ZMYND8: variants seen among roughly 807,000 people sequenced by gnomAD.
ZMYND8 encodes the protein zinc finger MYND-type containing 8.
A neutral mutation model predicts 140.8 loss-of-function variants in ZMYND8; 37 were observed. The ratio of observed to expected loss-of-function variants is 0.26; its 90% confidence interval spans 0.20 to 0.35. The LOEUF is 0.35. Among genes scored for constraint, ZMYND8 ranks in the 10% least tolerant of loss-of-function variants. The probability of loss-of-function intolerance (pLI) is 1.00; values close to 1 mark genes in which losing one functional copy is unlikely to be tolerated. For missense variants in ZMYND8, 1,068 were observed against 1,570.0 expected (o/e 0.68, Z 5.40); for synonymous variants, 592 against 597.1 (o/e 0.99, Z 0.12).
intron 2 of ZMYND8, among the ~76,000 whole-genome samples, chr20:47,342,521 C>A (rs532166272): frequency 6.7e-6 from 1 of 149,244 alleles, no homozygotes; most frequent in South Asian, 2.1e-4. Flanking sequence ...GCACTCCAGC[C>A]TGGGAGACAG....
intron 2 of ZMYND8, among the ~76,000 whole-genome samples, chr20:47,314,591 T>C (rs1224856433): frequency 6.6e-6 from 1 of 152,164 alleles, no homozygotes; most frequent in Admixed American, 6.5e-5. Flanking sequence ...CAGCAATCTG[T>C]TTTAATAAGT....
intron 12 of ZMYND8, among the ~76,000 whole-genome samples, chr20:47,259,734 C>A (rs2075017767): frequency 6.6e-6 from 1 of 152,150 alleles, no homozygotes; most frequent in African/African-American, 2.4e-5. Flanking sequence ...TGACTCGCAA[C>A]CTCAGTAAGC....
chr20:47,282,157 C>T lies in ZMYND8; in HGVS notation c.943G>A (p.Ala315Thr), dbSNP rs1407840460. The T allele has an allele frequency of 6.2e-7, 1 of 1,614,008 alleles. No homozygotes were observed. Among genetic ancestry groups the T allele is most frequent in the Admixed American group, 1.7e-5 (1 of 59,992 alleles). Residue 315 changes from alanine (A) to threonine (T), a missense_variant, in exon 10 of 23, where the codon GCT (alanine) becomes ACT (threonine). By Grantham distance (58) the Ala-to-Thr change is moderately conservative (BLOSUM62 0). Transcript: ENST00000471951. The stretch of plus-strand genomic sequence containing the variant: ...ACCTGCCCGTCTTTATCCCTTAGAG[C>T]TTTTGCAGGCCAGAATGGAAACCCC... Reference protein sequence around the residue: ...LKGFPFWPAKALRDKDGQVDA... With the variant: ...LKGFPFWPAKTLRDKDGQVDA...
intron 17 of ZMYND8, among the ~76,000 whole-genome samples, chr20:47,228,723 G>A (rs767459060): frequency 1.3e-5 from 2 of 152,190 alleles, no homozygotes; most frequent in Non-Finnish European, 2.9e-5. Flanking sequence ...TCTCCTCTTC[G>A]TCTGAGCACC....
chr20:47,285,692 T>A, intron 8 of ZMYND8: 1 of 985,342 alleles, frequency 1.0e-6, no homozygotes. Context: ...ATGATATTCA[T>A]CACCTTGTTA....
chr20:47,260,653 C>G (rs754790096), intron 12 of ZMYND8, among the ~76,000 whole-genome samples: 21 of 152,246 alleles, frequency 1.4e-4, no homozygotes, highest in African/African-American at 4.8e-4. Context: ...ACTGTGACAT[C>G]TGCTTCGCAA....
At chr20:47,272,604 C>A (rs971924218) in intron 11 of ZMYND8, among the ~76,000 whole-genome samples, 6 of 152,198 alleles carry the variant, frequency 3.9e-5, no homozygotes, top group Admixed American at 3.9e-4. Flanking sequence ...CTTAGGCCAC[C>A]TAGCTAGCAA....
intron 2 of ZMYND8, among the ~76,000 whole-genome samples, chr20:47,317,600 C>A (rs766264421): frequency 5.9e-5 from 9 of 152,174 alleles, no homozygotes; most frequent in South Asian, 4.1e-4. Context: ...GGGGCCTGAA[C>A]GAAAAGAGAA....
chr20:47,306,349 T>G (rs566068685), intron 3 of ZMYND8, among the ~76,000 whole-genome samples: 1 of 151,684 alleles, frequency 6.6e-6, no homozygotes. Context: ...GCCGGGGAGG[T>G]TGAGGTTGCA....
In ZMYND8 at chr20:47,230,570, T is replaced by C. The variant is rs2038336928; in HGVS notation, c.2857-764A>G. Among the ~76,000 whole-genome samples, 4 of 152,092 alleles carry C rather than the reference T, an allele frequency of 2.6e-5. No homozygotes were observed. The South Asian group carries it at 8.3e-4, about 32-fold the overall frequency. ...CGGCCTCCCAAAGTGCTGAAGCCAC[T>C]GTGCCTGACCCCCAGATGTCTTTTA... On this transcript the variant is annotated intron_variant, in intron 16 of 22. Transcript: ENST00000471951.
chr20:47,318,572 A>G (rs1227612255), intron 2 of ZMYND8: 4 of 371,128 alleles, frequency 1.1e-5, no homozygotes, highest in Admixed American at 1.0e-4. Context: ...GCAGCAGAGA[A>G]TGCCTAAGCC....
intron 10 of ZMYND8, among the ~76,000 whole-genome samples, chr20:47,277,468 G>A (rs975173931): frequency 4.6e-5 from 7 of 152,192 alleles, no homozygotes; most frequent in African/African-American, 4.8e-5. Flanking sequence ...CCCGGGGGAG[G>A]TGCAAACACC....
In ZMYND8 at chr20:47,290,661, G is replaced by A. The variant is rs192593728; in HGVS notation, c.661-387C>T. ...GGTTGGAGTGCAATGGCGTGATCTC[G>A]GCTCACTGCAACCTCCACCTCCCGG... On this transcript the variant is annotated intron_variant, in intron 6 of 22. Coordinates refer to ENST00000471951, the MANE Select transcript of ZMYND8 (RefSeq NM_001281775.3). Among the ~76,000 whole-genome samples, 778 of 140,904 alleles carry A rather than the reference G, an allele frequency of 5.5e-3. 9 individuals carry two copies. Among genetic ancestry groups the A allele is most frequent in the African/African-American group, 0.018 (701 of 37,902 alleles). The allele number at this position is 140,904 out of a possible 152,430, so 92.4% of individuals were successfully genotyped here.
intron 13 of ZMYND8, among the ~76,000 whole-genome samples, chr20:47,246,812 C>T (rs2040616155): frequency 6.6e-6 from 1 of 152,092 alleles, no homozygotes; most frequent in Non-Finnish European, 1.5e-5. Context: ...ACGTTGATAA[C>T]TAATTGGGAT....
In ZMYND8 at chr20:47,310,120, G is replaced by A. The variant is rs1185026337; in HGVS notation, c.170C>T (p.Thr57Ile). 2 of 1,614,008 alleles carry A rather than the reference G, an allele frequency of 1.2e-6. No homozygotes were observed. Among genetic ancestry groups the A allele is most frequent in the Non-Finnish European group, 1.7e-6 (2 of 1,180,020 alleles). Residue 57 changes from threonine to isoleucine, a missense_variant, in exon 3 of 23, where the codon ACA becomes ATA. Transcript: ENST00000471951. ...TTTCTTTTTAATGGGGCTTGTTGAT[G>A]TGTCCTGCGGCGAGTGGCCATTGGA... ...HSSNGHSPQD[T>I]STSPIKKKKK... is the part of the protein sequence containing the mutation.
intron 6 of ZMYND8, 61 bp downstream of exon 6, chr20:47,291,735 G>C: frequency 7.4e-7 from 1 of 1,356,762 alleles, no homozygotes; most frequent in Non-Finnish European, 1.0e-6. Flanking sequence ...GGCAGTGAGG[G>C]AAGAGCCTTA....
intron 12 of ZMYND8, among the ~76,000 whole-genome samples, chr20:47,251,913 G>A (rs1020072643): frequency 6.6e-5 from 10 of 151,962 alleles, no homozygotes; most frequent in Non-Finnish European, 1.2e-4. Context: ...AGCCTTGTGT[G>A]TGATCTTTCT....
intron 8 of ZMYND8, among the ~76,000 whole-genome samples, chr20:47,286,886 AGGG>A (rs1276054408): frequency 6.6e-6 from 1 of 152,190 alleles, no homozygotes; most frequent in Non-Finnish European, 1.5e-5. Context: ...GAGGACCAAA[AGGG>A]ACCTGAAACA....
chr20:47,260,375 G>GC (rs2075063728), intron 12 of ZMYND8, among the ~76,000 whole-genome samples: 1 of 151,986 alleles, frequency 6.6e-6, no homozygotes, highest in South Asian at 2.1e-4. Context: ...GGTCTACGAG[G>GC]CCCCCGTACT....
Sources: allele counts gnomAD v4.1 joint callset (sites outside exome capture counted in the v4.1 genomes callset), GRCh38; gene constraint gnomAD v4.1.1; transcripts MANE v1.5; gene names NCBI Gene and HGNC (gene_info 2026-07-23, HGNC 2026-07-21).